Variants in NPAS2 observed in about 807,000 individuals in gnomAD.
NPAS2 encodes the protein neuronal PAS domain protein 2.
In NPAS2, 23 loss-of-function variants were observed where a neutral mutation model predicts 107.5. The ratio of observed to expected loss-of-function variants is 0.21; its 90% CI spans 0.15 to 0.30. The LOEUF is 0.30. Ranked by LOEUF, NPAS2 falls within the 10% of genes least tolerant of loss-of-function variation. The pLI, the probability that NPAS2 is intolerant of heterozygous loss-of-function variation, is 1.00. For synonymous variants in NPAS2, 403 were observed against 417.5 expected (o/e 0.97, Z 0.42); for missense variants, 756 against 1,043.3 (o/e 0.72, Z 3.79).
chr2:100,889,784 G>C (rs1680934842), intron 1 of NPAS2, among the ~76,000 whole-genome samples: 1 of 152,174 alleles, frequency 6.6e-6, no homozygotes, highest in South Asian at 2.1e-4. Flanking sequence ...AAAAAGAAAA[G>C]CAGCAACCTG....
intron 1 of NPAS2, among the ~76,000 whole-genome samples, chr2:100,834,843 C>T (rs62156060): frequency 9.9e-5 from 15 of 152,090 alleles, no homozygotes; most frequent in African/African-American, 1.7e-4. Context: ...TACAGGCATG[C>T]GCCACCATGC....
intron 5 of NPAS2, among the ~76,000 whole-genome samples, chr2:100,939,109 G>A (rs1674416636): frequency 6.6e-6 from 1 of 152,136 alleles, no homozygotes; most frequent in African/African-American, 2.4e-5. Flanking sequence ...TCTGCTGATG[G>A]CCCAGGGCTC....
chr2:100,933,390 A>G (rs1157959110), intron 4 of NPAS2, among the ~76,000 whole-genome samples: 1 of 152,106 alleles, frequency 6.6e-6, no homozygotes, highest in Non-Finnish European at 1.5e-5. Flanking sequence ...ATGATTATAC[A>G]TTTTTTCCCT....
chr2:100,924,609 G>A (rs1683443354), intron 2 of NPAS2, among the ~76,000 whole-genome samples: 1 of 152,204 alleles, frequency 6.6e-6, no homozygotes, highest in Non-Finnish European at 1.5e-5. Flanking sequence ...TCTGCCCTGG[G>A]TCTGTACAGC....
At chr2:100,849,999 T>C (rs1678047549) in intron 1 of NPAS2, among the ~76,000 whole-genome samples, 1 of 90,754 alleles carries the variant, frequency 1.1e-5, no homozygotes, top group African/African-American at 4.4e-5. Flanking sequence ...GATCTAACAG[T>C]AACTCTTTTT....
intron 2 of NPAS2, among the ~76,000 whole-genome samples, chr2:100,922,919 A>C (rs1683328609): frequency 6.6e-6 from 1 of 152,176 alleles, no homozygotes; most frequent in Non-Finnish European, 1.5e-5. Flanking sequence ...AGCAGTAATG[A>C]GCTGGGTGTT....
In NPAS2 at chr2:100,820,901, A is replaced by C; in HGVS notation, c.-23+487A>C. On this transcript the variant is annotated intron_variant, in intron 1 of 20. Transcript: ENST00000335681. The surrounding 1 kb of genome is among the most constrained non-coding windows in gnomAD (Gnocchi z 5.6). ...GGTCTCTCGGAGTCCCTGGGTCGGA[A>C]TTGGTTCCGGGCCGGATTGGGTGCG... 2 of 520,450 alleles carry C rather than the reference A, an allele frequency of 3.8e-6. No homozygotes were observed. Among genetic ancestry groups the C allele is most frequent in the Non-Finnish European group, 6.3e-6 (2 of 318,540 alleles). The allele number at this position is 520,450 out of a possible 1,614,324, so 32.2% of individuals were successfully genotyped here.
intron 8 of NPAS2, among the ~76,000 whole-genome samples, chr2:100,964,377 C>T (rs1386173605): frequency 1.3e-5 from 2 of 152,236 alleles, no homozygotes; most frequent in African/African-American, 4.8e-5. Flanking sequence ...TCTTTGAAGG[C>T]AGCATCGCTT....
intron 1 of NPAS2, among the ~76,000 whole-genome samples, chr2:100,830,391 T>C (rs1456920673): frequency 1.3e-5 from 2 of 152,178 alleles, no homozygotes; most frequent in Non-Finnish European, 2.9e-5. Flanking sequence ...GTTACATATG[T>C]ATACATGTGC....
At chr2:100,826,181 C>T (rs1485939731) in intron 1 of NPAS2, among the ~76,000 whole-genome samples, 3 of 152,210 alleles carry the variant, frequency 2.0e-5, no homozygotes, top group Non-Finnish European at 4.4e-5. Context: ...CACTGACTCA[C>T]GCCTGTAATC....
chr2:100,832,519 G>A (rs560496379), intron 1 of NPAS2, among the ~76,000 whole-genome samples: 3 of 152,278 alleles, frequency 2.0e-5, no homozygotes, highest in Admixed American at 6.5e-5. Context: ...TCCAGTGTGC[G>A]CCACATCTGT....
At chr2:100,975,064 G>C in intron 13 of NPAS2, 120 bp downstream of exon 13, 2 of 1,094,590 alleles carry the variant, frequency 1.8e-6, no homozygotes, top group South Asian at 1.6e-5. Context: ...AGAGGTTGCC[G>C]TGCAGTTTAT....
chr2:100,978,121 C>T (rs1369176446), intron 15 of NPAS2, among the ~76,000 whole-genome samples: 3 of 152,162 alleles, frequency 2.0e-5, no homozygotes, highest in Non-Finnish European at 4.4e-5. Context: ...GCAGTGTACA[C>T]TGTACCCAAT....
chr2:100,904,818 G>A (rs758138713), intron 2 of NPAS2, 32 bp downstream of exon 2: 139 of 1,546,304 alleles, frequency 9.0e-5, no homozygotes, highest in Non-Finnish European at 8.4e-5. Context: ...GCTCAGCAGA[G>A]CTCTCTGGCC....
At chr2:100,927,096 G>A (rs575656960) in intron 3 of NPAS2, among the ~76,000 whole-genome samples, 66 of 151,432 alleles carry the variant, frequency 4.4e-4, no homozygotes, top group Non-Finnish European at 7.2e-4. Context: ...CACCACACCC[G>A]GCTAATTTTT....
chr2:100,995,930 C>T lies in NPAS2; in HGVS notation c.*348C>T, dbSNP rs1050233768. ...GTACACCGGTTGCTCTAGCCACCTG[C>T]GGCCCGCCCATCTGCGCTAGCTGGC... On this transcript the variant is annotated 3_prime_UTR_variant, in exon 21 of 21. Coordinates refer to ENST00000335681, the MANE Select transcript of NPAS2 (RefSeq NM_002518.4). 28 of 1,395,648 alleles carry T rather than the reference C, an allele frequency of 2.0e-5. No individual in the cohort carries two copies. The highest frequency in any genetic ancestry group is 1.9e-4 in the Admixed American group (9 of 46,400). 86.5% of individuals were successfully genotyped at this position (1,395,648 alleles called of 1,614,324 possible). A position where few individuals can be genotyped will look rare whatever the true frequency, so the allele number is the denominator to read the frequency against.
intron 1 of NPAS2, among the ~76,000 whole-genome samples, chr2:100,891,317 T>C (rs1363105079): frequency 1.3e-5 from 2 of 151,840 alleles, no homozygotes; most frequent in Non-Finnish European, 2.9e-5. Flanking sequence ...GTGTGCAGCA[T>C]TGGACACGCA....
intron 1 of NPAS2, among the ~76,000 whole-genome samples, chr2:100,892,088 G>C (rs2104701955): frequency 6.6e-6 from 1 of 152,272 alleles, no homozygotes; most frequent in East Asian, 1.9e-4. Context: ...AGTTGACTCA[G>C]GTTTACACTG....
chr2:100,994,724 C>T (rs1041286866), intron 20 of NPAS2: 5 of 152,288 alleles, frequency 3.3e-5, no homozygotes, highest in African/African-American at 7.2e-5. Context: ...AGGAAATGCC[C>T]GAAATGTGGG....
Sources: gnomAD v4.1 joint callset for allele counts (sites outside exome capture counted in the v4.1 genomes callset) on GRCh38, gnomAD v4.1.1 for gene constraint, Gnocchi (gnomAD v3.1) non-coding constraint, MANE v1.5 for transcripts, NCBI Gene and HGNC (gene_info 2026-07-23, HGNC 2026-07-21) for gene names.